Variants in DPP10 observed in about 807,000 individuals in gnomAD.
DPP10 encodes dipeptidyl peptidase like 10.
DPP10 carries 33 observed loss-of-function variants against 120.9 expected under a neutral mutation model. The ratio of observed to expected loss-of-function variants is 0.27; its 90% CI spans 0.21 to 0.37. DPP10 has a LOEUF of 0.37. DPP10 is among the 10% of genes least tolerant of loss of function. The pLI, the probability that DPP10 is intolerant of heterozygous loss-of-function variation, is 1.00. For synonymous variants in DPP10, 337 were observed against 326.1 expected (o/e 1.03, Z -0.36); for missense variants, 816 against 942.8 (o/e 0.87, Z 1.76).
At chr2:115,813,250 T>C (rs1407457098) in intron 19 of DPP10, among the ~76,000 whole-genome samples, 1 of 152,188 alleles carries the variant, frequency 6.6e-6, no homozygotes, top group Non-Finnish European at 1.5e-5. Flanking sequence ...CTGGATATCT[T>C]AAACAATGGA....
At chr2:115,229,437 A>G (rs2057619343) in intron 1 of DPP10, among the ~76,000 whole-genome samples, 3 of 152,154 alleles carry the variant, frequency 2.0e-5, no homozygotes, top group Non-Finnish European at 4.4e-5. Context: ...TTATTACTCA[A>G]GAAATCTTTG....
chr2:115,706,395 A>G (rs2092106439), intron 7 of DPP10, among the ~76,000 whole-genome samples: 1 of 151,964 alleles, frequency 6.6e-6, no homozygotes, highest in South Asian at 2.1e-4. Context: ...TGCTCATAAC[A>G]TAATATTAAA....
chr2:114,511,136 C>T, intron 1 of DPP10, among the ~76,000 whole-genome samples: 1 of 152,260 alleles, frequency 6.6e-6, no homozygotes, highest in Admixed American at 6.5e-5. Flanking sequence ...TAGATATCAA[C>T]ATAGGTATAT....
intron 1 of DPP10, among the ~76,000 whole-genome samples, chr2:114,983,578 T>G (rs1700217977): frequency 6.6e-6 from 1 of 152,136 alleles, no homozygotes; most frequent in African/African-American, 2.4e-5. Flanking sequence ...CTAAGGTCAT[T>G]TTAGCCTTTA....
rs1468625560 is a variant in DPP10, at chr2:114,982,971, C to T, written c.61-326268C>T. On this transcript the variant is annotated intron_variant, in intron 1 of 25. Coordinates refer to ENST00000410059, the MANE Select transcript of DPP10 (RefSeq NM_020868.6). The stretch of plus-strand genomic sequence containing the variant: ...GTCTTACTTAAGCATTGTTGTCCTA[C>T]TAAACTATTATTTCTATGCATTAAT... Among the ~76,000 whole-genome samples the T allele has an allele frequency of 3.9e-5, 6 of 152,154 alleles. No individual in the cohort carries two copies. The South Asian group carries it at 1.0e-3, about 26-fold the overall frequency.
intron 1 of DPP10, among the ~76,000 whole-genome samples, chr2:114,680,793 A>G (rs1698976685): frequency 1.3e-5 from 2 of 151,974 alleles, no homozygotes; most frequent in Admixed American, 6.6e-5. Flanking sequence ...CCAGATTACA[A>G]CTGAACTAAA....
intron 1 of DPP10, among the ~76,000 whole-genome samples, chr2:115,047,472 A>C (rs1322664017): frequency 6.6e-6 from 1 of 152,044 alleles, no homozygotes; most frequent in African/African-American, 2.4e-5. Context: ...TTCTCTGGTC[A>C]TATTTTCATG....
chr2:114,659,622 A>T (rs562600625), intron 1 of DPP10, among the ~76,000 whole-genome samples: 1 of 152,316 alleles, frequency 6.6e-6, no homozygotes, highest in East Asian at 1.9e-4. Context: ...CTTTATTAAA[A>T]ATAGTTTATC....
chr2:115,027,195 G>C lies in DPP10; in HGVS notation c.61-282044G>C, dbSNP rs560781033. Among the ~76,000 whole-genome samples the C allele has an allele frequency of 1.4e-3, 220 of 152,038 alleles. 1 individual carries two copies. Among genetic ancestry groups the C allele is most frequent in the Non-Finnish European group, 2.6e-3 (174 of 67,932 alleles). ...TTATATGTTGGTTTTTGTATCCTGC[G>C]ACTTTACTGAATTTGTTTATTGATT... On this transcript the variant is annotated intron_variant, in intron 1 of 25. Coordinates refer to ENST00000410059, the MANE Select transcript of DPP10 (RefSeq NM_020868.6).
intron 19 of DPP10, among the ~76,000 whole-genome samples, chr2:115,814,081 C>T (rs543989598): frequency 8.1e-4 from 123 of 151,972 alleles, no homozygotes; most frequent in Non-Finnish European, 1.0e-3. Flanking sequence ...AAAATTGTAC[C>T]TTCTTTTCCC....
chr2:115,701,953 G>C (rs76507283), intron 7 of DPP10, among the ~76,000 whole-genome samples: 9 of 152,136 alleles, frequency 5.9e-5, no homozygotes, highest in Non-Finnish European at 1.2e-4. Flanking sequence ...TAGATGCCTT[G>C]ATATAATTCC....
intron 1 of DPP10, among the ~76,000 whole-genome samples, chr2:114,688,651 C>T (rs561006542): frequency 6.6e-6 from 1 of 152,062 alleles, no homozygotes; most frequent in African/African-American, 2.4e-5. Flanking sequence ...CGGAAGAAAG[C>T]AAGCTGTAAT....
chr2:115,655,033 A>G (rs775629167), intron 5 of DPP10, among the ~76,000 whole-genome samples: 1 of 151,712 alleles, frequency 6.6e-6, no homozygotes, highest in Admixed American at 6.6e-5. Flanking sequence ...TTTAAAAATT[A>G]TTCCTCTAAG....
chr2:115,034,078 A>G (rs867845295), intron 1 of DPP10, among the ~76,000 whole-genome samples: 42 of 150,108 alleles, frequency 2.8e-4, no homozygotes, highest in Admixed American at 2.4e-3. Flanking sequence ...TTGTATTTTA[A>G]TAGAGACGGG....
intron 1 of DPP10, among the ~76,000 whole-genome samples, chr2:115,009,741 G>A (rs867127548): frequency 3.9e-5 from 6 of 152,072 alleles, no homozygotes; most frequent in African/African-American, 7.2e-5. Context: ...ACACCTGCAC[G>A]TTCTGCACAT....
At chr2:115,200,320 C>G (rs72839238) in intron 1 of DPP10, among the ~76,000 whole-genome samples, 346 of 152,296 alleles carry the variant, frequency 2.3e-3, no homozygotes, top group Non-Finnish European at 4.1e-3. Flanking sequence ...CTGGCAATCT[C>G]TGCTGTAATT....
intron 1 of DPP10, among the ~76,000 whole-genome samples, chr2:114,691,999 G>A (rs1483575395): frequency 2.6e-5 from 4 of 151,780 alleles, no homozygotes; most frequent in Non-Finnish European, 5.9e-5. Flanking sequence ...TATAGCTAGT[G>A]GTCTATCTAT....
At chr2:115,554,042 C>T (rs940080677) in intron 5 of DPP10, among the ~76,000 whole-genome samples, 1 of 132,194 alleles carries the variant, frequency 7.6e-6, no homozygotes, top group African/African-American at 2.8e-5. Context: ...CACACACACA[C>T]CAAATTAACA....
intron 1 of DPP10, among the ~76,000 whole-genome samples, chr2:114,942,409 A>ATC: frequency 6.9e-6 from 1 of 145,658 alleles, no homozygotes; most frequent in Non-Finnish European, 1.5e-5. Context: ...ACACATATAT[A>ATC]TATATATATA....
Sources: gnomAD v4.1 joint callset for allele counts (sites outside exome capture counted in the v4.1 genomes callset) on GRCh38, gnomAD v4.1.1 for gene constraint, MANE v1.5 for transcripts, NCBI Gene and HGNC (gene_info 2026-07-23, HGNC 2026-07-21) for gene names.